Variants in LRRC69 observed in about 807,000 individuals in gnomAD.
LRRC69 encodes leucine rich repeat containing 69.
In LRRC69, 42 loss-of-function variants were observed where a neutral mutation model predicts 37.8. The observed-to-expected ratio is 1.11, with a 90% CI of 0.87 to 1.44. The LOEUF (loss-of-function observed/expected upper bound fraction) is 1.44, where lower values mean the gene tolerates loss of function less well. LRRC69 is among the 40% of genes most tolerant of loss of function. The pLI, the probability that LRRC69 is intolerant of heterozygous loss-of-function variation, is 0.00. For missense variants in LRRC69, 357 were observed against 401.9 expected (o/e 0.89, Z 0.96); for synonymous variants, 141 against 143.1 (o/e 0.99, Z 0.11).
At chr8:91,165,104 T>C (rs149679065) in intron 5 of LRRC69, among the ~76,000 whole-genome samples, 1 of 151,762 alleles carries the variant, frequency 6.6e-6, no homozygotes, top group East Asian at 1.9e-4. Flanking sequence ...GGAGGAACAA[T>C]TGGCAACATC....
At chr8:91,131,007 C>T (rs1813799788) in intron 3 of LRRC69, among the ~76,000 whole-genome samples, 1 of 151,950 alleles carries the variant, frequency 6.6e-6, no homozygotes, top group Admixed American at 6.6e-5. Context: ...CTCATAATAC[C>T]ATCACATTGG....
chr8:91,204,363 G>C (rs1275385710), intron 7 of LRRC69, among the ~76,000 whole-genome samples: 1 of 152,192 alleles, frequency 6.6e-6, no homozygotes, highest in East Asian at 1.9e-4. Flanking sequence ...CAAAGGTGTA[G>C]TACAGCTAAT....
rs373898373 is a variant in LRRC69 at position 91,166,667 on chromosome 8, G to A, written c.652-22855G>A. On this transcript the variant is annotated intron_variant, in intron 5 of 7. Coordinates refer to ENST00000448384, the Ensembl canonical transcript of LRRC69. Reference sequence around the variant, plus strand: ...CATATAGCTTGTGTTAAATATTAGCGTGGAAAAGGGCACTTTACGAAATTG... The same window carrying A: ...CATATAGCTTGTGTTAAATATTAGCATGGAAAAGGGCACTTTACGAAATTG... Among the ~76,000 whole-genome samples, 11 of 151,814 alleles carry A rather than the reference G, an allele frequency of 7.2e-5. No homozygotes were observed. In the South Asian group the frequency reaches 1.7e-3, roughly 23 times the overall value.
At chr8:91,134,886 T>A (rs1813881744) in intron 4 of LRRC69, among the ~76,000 whole-genome samples, 1 of 152,096 alleles carries the variant, frequency 6.6e-6, no homozygotes, top group Non-Finnish European at 1.5e-5. Flanking sequence ...AACTTTGTCC[T>A]TGCCTATTTG....
At chr8:91,103,216 C>T (rs562847671) in intron 1 of LRRC69, among the ~76,000 whole-genome samples, 1 of 152,218 alleles carries the variant, frequency 6.6e-6, no homozygotes, top group African/African-American at 2.4e-5. Flanking sequence ...ATGCTGTTCA[C>T]CCTGGGGACT....
chr8:91,200,886 A>T, intron 7 of LRRC69, 94 bp downstream of exon 7: 1 of 1,209,218 alleles, frequency 8.3e-7, no homozygotes, highest in Non-Finnish European at 1.1e-6. Context: ...ATTTGTACCT[A>T]TGATTGGCTT....
intron 5 of LRRC69, among the ~76,000 whole-genome samples, chr8:91,155,887 CAT>C (rs71560301): frequency 1.4e-5 from 2 of 146,922 alleles, no homozygotes; most frequent in African/African-American, 2.5e-5. Context: ...ATATACACAA[CAT>C]ATATATATAC....
At chr8:91,155,887 C>CAT (rs71560301) in intron 5 of LRRC69, among the ~76,000 whole-genome samples, 7,811 of 146,962 alleles carry the variant, frequency 0.053, 284 homozygotes, top group Middle Eastern at 0.16. Flanking sequence ...ATATACACAA[C>CAT]ATATATATAT....
intron 5 of LRRC69, among the ~76,000 whole-genome samples, chr8:91,186,639 G>C (rs1187863711): frequency 6.6e-6 from 1 of 152,174 alleles, no homozygotes; most frequent in African/African-American, 2.4e-5. Context: ...TTCTAAGCAA[G>C]GTTGTTATAT....
chr8:91,162,191 T>A (rs1381763661), intron 5 of LRRC69, among the ~76,000 whole-genome samples: 1 of 151,546 alleles, frequency 6.6e-6, no homozygotes, highest in Non-Finnish European at 1.5e-5. Flanking sequence ...TCCTGGAGAA[T>A]GTTCCATGTG....
At chr8:91,201,867 C>A (rs1039896425) in intron 7 of LRRC69, among the ~76,000 whole-genome samples, 7 of 152,040 alleles carry the variant, frequency 4.6e-5, no homozygotes, top group African/African-American at 1.7e-4. Context: ...TATTAGTTTG[C>A]TAGGGCTGAC....
In LRRC69 at chr8:91,133,097, T is replaced by G; in HGVS notation, c.384-13T>G. The G allele has an allele frequency of 2.1e-6, 3 of 1,412,692 alleles. No homozygotes were observed. Among genetic ancestry groups the G allele is most frequent in the Non-Finnish European group, 2.8e-6 (3 of 1,061,610 alleles). The allele number at this position is 1,412,692 out of a possible 1,614,324, so 87.5% of individuals were successfully genotyped here. A position where few individuals can be genotyped will look rare whatever the true frequency, so the allele number is the denominator to read the frequency against. On this transcript the variant is annotated splice_polypyrimidine_tract_variant and intron_variant, in intron 3 of 7. Coordinates refer to ENST00000448384, the Ensembl canonical transcript of LRRC69. Reference sequence around the variant, plus strand: ...AGTTTCATTCATATACTTTGGTGTTTTTTTTTTTTTAGATTAAAAAGTCTT... The same window carrying G: ...AGTTTCATTCATATACTTTGGTGTTGTTTTTTTTTTAGATTAAAAAGTCTT...
chr8:91,137,000 A>G (rs555941129), intron 5 of LRRC69, among the ~76,000 whole-genome samples: 7 of 152,088 alleles, frequency 4.6e-5, no homozygotes, highest in Admixed American at 1.3e-4. Flanking sequence ...CATTTTGGCT[A>G]TTACTGCAAT....
intron 4 of LRRC69, among the ~76,000 whole-genome samples, chr8:91,134,924 T>C (rs1298592037): frequency 6.6e-6 from 1 of 152,056 alleles, no homozygotes; most frequent in East Asian, 1.9e-4. Flanking sequence ...ATTGAATACT[T>C]GTGAGGGGTA....
intron 5 of LRRC69, among the ~76,000 whole-genome samples, chr8:91,187,199 A>G (rs966503859): frequency 2.6e-5 from 4 of 152,200 alleles, no homozygotes; most frequent in East Asian, 1.9e-4. Context: ...TGGTATGGCA[A>G]TGTGACCACT....
chr8:91,197,544 G>A (rs1809632763), intron 6 of LRRC69, among the ~76,000 whole-genome samples: 1 of 152,126 alleles, frequency 6.6e-6, no homozygotes, highest in Admixed American at 6.5e-5. Flanking sequence ...ATTATCTCGT[G>A]GTGCGCCGTT....
At chr8:91,110,658 T>TG (rs1813393199) in intron 1 of LRRC69, among the ~76,000 whole-genome samples, 1 of 151,564 alleles carries the variant, frequency 6.6e-6, no homozygotes, top group African/African-American at 2.4e-5. Context: ...GGCCAGGGAG[T>TG]GGGGGAGTTT....
At chr8:91,102,811 C>G (rs1301614041) in exon 1 of LRRC69, 13 of 1,551,164 alleles carry the variant, frequency 8.4e-6, no homozygotes, top group Non-Finnish European at 1.0e-5. Context: ...ACCTAATCCC[C>G]AAAGTGTGTC....
In LRRC69 at chr8:91,176,134, A is replaced by ATATATATATTTT; in HGVS notation, c.652-13387_652-13386insATATATATTTTT. On this transcript the variant is annotated intron_variant, in intron 5 of 7. Coordinates refer to ENST00000448384, the Ensembl canonical transcript of LRRC69. ...ATCCCTCATATATATATATATATAT[A>ATATATATATTTT]TTTTTTTTTTTTCTTTTTTTTGAGA... 8.7e-3 allele frequency among the ~76,000 whole-genome samples: 657 copies of ATATATATATTTT among 75,630 alleles called. 12 individuals are homozygous for ATATATATATTTT. The highest frequency in any genetic ancestry group is 0.022 in the East Asian group (65 of 2,936). The allele number at this position is 75,630 out of a possible 152,430, so 49.6% of individuals were successfully genotyped here.
Sources: allele counts gnomAD v4.1 joint callset (sites outside exome capture counted in the v4.1 genomes callset), GRCh38; gene constraint gnomAD v4.1.1; transcripts MANE v1.5; gene names NCBI Gene and HGNC (gene_info 2026-07-23, HGNC 2026-07-21).